PRKCH: variants seen among roughly 807,000 people sequenced by gnomAD.
The protein encoded by PRKCH is protein kinase C eta, also known as protein kinase C eta type.
Under a neutral mutation model 82.5 loss-of-function variants are expected in PRKCH, and 28 were observed. The observed-to-expected ratio is 0.34, with a 90% CI of 0.25 to 0.47. The LOEUF (loss-of-function observed/expected upper bound fraction) is 0.47, where lower values mean the gene tolerates loss of function less well. Among genes scored for constraint, PRKCH ranks in the 20% least tolerant of loss-of-function variants. The pLI is 1.00. For synonymous variants in PRKCH, 322 were observed against 327.4 expected (o/e 0.98, Z 0.18); for missense variants, 705 against 881.8 (o/e 0.80, Z 2.54).
intron 10 of PRKCH, among the ~76,000 whole-genome samples, chr14:61,510,332 A>C (rs1887321077): frequency 6.6e-6 from 1 of 152,290 alleles, no homozygotes; most frequent in South Asian, 2.1e-4. Context: ...TAAGCCTGGA[A>C]GCCAGGAGTT....
intron 1 of PRKCH, among the ~76,000 whole-genome samples, chr14:61,257,815 G>A (rs566750933): frequency 8.4e-4 from 128 of 152,246 alleles, no homozygotes; most frequent in Non-Finnish European, 1.4e-3. Context: ...TAAGTCATGT[G>A]AGGTGATTCA....
chr14:61,354,422 G>T (rs2046122306), intron 1 of PRKCH, among the ~76,000 whole-genome samples: 1 of 151,788 alleles, frequency 6.6e-6, no homozygotes, highest in Non-Finnish European at 1.5e-5. Context: ...GTGTGTGTGT[G>T]TGTGTGTGTG....
chr14:61,396,027 C>G (rs2046775101), intron 2 of PRKCH, among the ~76,000 whole-genome samples: 1 of 148,068 alleles, frequency 6.8e-6, no homozygotes, highest in African/African-American at 2.5e-5. Context: ...TTGCAGTGAG[C>G]TGAGATAGTG....
rs573584149 is a variant in PRKCH, at chr14:61,469,137, A to C, written c.1278+11458A>C. On this transcript the variant is annotated intron_variant, in intron 9 of 13. Transcript: ENST00000332981. ...TTTTTGCAGAGTTGGAGGTCTTGCT[A>C]TGTTGCCCACACTGGTCTTGAACTC... is the stretch of plus-strand genomic sequence containing the variant. Among the ~76,000 whole-genome samples, 16 of 152,326 alleles carry C rather than the reference A, an allele frequency of 1.1e-4. No individual in the cohort carries two copies. In the East Asian group the frequency reaches 2.5e-3, roughly 24 times the overall value.
intron 7 of PRKCH, among the ~76,000 whole-genome samples, chr14:61,454,764 A>G (rs1346433546): frequency 6.6e-6 from 1 of 152,118 alleles, no homozygotes; most frequent in Non-Finnish European, 1.5e-5. Context: ...CATCCAGTTG[A>G]GCCTTGGCTG....
At chr14:61,252,487 T>G (rs1414196901) in intron 1 of PRKCH, among the ~76,000 whole-genome samples, 1 of 152,114 alleles carries the variant, frequency 6.6e-6, no homozygotes, top group Admixed American at 6.6e-5. Flanking sequence ...GCACCAAGGG[T>G]TGGACCACCT....
chr14:61,494,932 A>G (rs1886601455), intron 10 of PRKCH, among the ~76,000 whole-genome samples: 4 of 152,158 alleles, frequency 2.6e-5, no homozygotes, highest in Admixed American at 2.6e-4. Context: ...CTTACCATAA[A>G]CCCTTGAGAT....
rs1398458803 is a variant in PRKCH at position 61,333,183 on chromosome 14, G to A, written c.363+10719G>A. ...TTTAATTATGGTACAGAAGAGTTGA[G>A]AGCAGATTCCATCTAAATCAGTGCT... On this transcript the variant is annotated intron_variant, in intron 1 of 13. Coordinates refer to ENST00000332981, the MANE Select transcript of PRKCH (RefSeq NM_006255.5). Among the ~76,000 whole-genome samples the A allele has an allele frequency of 2.6e-5, 4 of 152,172 alleles. No homozygotes were observed. In the South Asian group the frequency reaches 6.2e-4, roughly 24 times the overall value.
intron 10 of PRKCH, among the ~76,000 whole-genome samples, chr14:61,500,735 G>T (rs939086962): frequency 6.6e-6 from 1 of 152,116 alleles, no homozygotes; most frequent in Non-Finnish European, 1.5e-5. Flanking sequence ...CTCTGCAAAG[G>T]TGGATATTTT....
chr14:61,313,549 C>T (rs1046743841), intron 1 of PRKCH, among the ~76,000 whole-genome samples: 1 of 152,100 alleles, frequency 6.6e-6, no homozygotes, highest in Admixed American at 6.5e-5. Context: ...GCCTCAACCT[C>T]CTAGACTCAA....
chr14:61,318,151 A>G (rs2045579036), upstream of PRKCH, among the ~76,000 whole-genome samples: 1 of 151,670 alleles, frequency 6.6e-6, no homozygotes, highest in Non-Finnish European at 1.5e-5. Flanking sequence ...ATAGGTCACT[A>G]CAGTCTCAAC....
At chr14:61,208,792 A>T (rs904372523) in intron 1 of PRKCH, among the ~76,000 whole-genome samples, 1 of 152,206 alleles carries the variant, frequency 6.6e-6, no homozygotes, top group Admixed American at 6.5e-5. Flanking sequence ...ACAAAGTTCA[A>T]TTACCATTGC....
chr14:61,262,791 G>A (rs545153747), intron 1 of PRKCH, among the ~76,000 whole-genome samples: 1 of 152,164 alleles, frequency 6.6e-6, no homozygotes, highest in African/African-American at 2.4e-5. Flanking sequence ...AGGGAAAATG[G>A]GGGGAAGTGG....
chr14:61,227,487 G>C (rs938401217), intron 1 of PRKCH, among the ~76,000 whole-genome samples: 29 of 152,174 alleles, frequency 1.9e-4, no homozygotes, highest in African/African-American at 7.0e-4. Flanking sequence ...CCAGCGACTC[G>C]GGAGGCTGAG....
intron 10 of PRKCH, among the ~76,000 whole-genome samples, chr14:61,488,786 T>C (rs1275664668): frequency 6.6e-6 from 1 of 152,194 alleles, no homozygotes; most frequent in Admixed American, 6.5e-5. Context: ...ATATGGTGGG[T>C]AGACACTGTA....
intron 10 of PRKCH, among the ~76,000 whole-genome samples, chr14:61,522,039 G>A (rs1395717321): frequency 6.6e-6 from 1 of 152,102 alleles, no homozygotes; most frequent in Non-Finnish European, 1.5e-5. Context: ...TGTGTATTCA[G>A]CTGCTTAAAT....
At chr14:61,236,293 G>A (rs942090363) in intron 1 of PRKCH, among the ~76,000 whole-genome samples, 13 of 152,164 alleles carry the variant, frequency 8.5e-5, no homozygotes, top group African/African-American at 2.4e-4. Context: ...TAGGTAAAAT[G>A]AGGCTGAAAC....
At chr14:61,311,906 AG>A (rs2140110404) in intron 1 of PRKCH, among the ~76,000 whole-genome samples, 1 of 152,302 alleles carries the variant, frequency 6.6e-6, no homozygotes, top group Non-Finnish European at 1.5e-5. Flanking sequence ...GAGTGTGCAA[AG>A]GAGAAAGAGC....
At chr14:61,521,493 T>G (rs1191434626) in intron 10 of PRKCH, among the ~76,000 whole-genome samples, 2 of 152,156 alleles carry the variant, frequency 1.3e-5, no homozygotes, top group Non-Finnish European at 2.9e-5. Context: ...AGATTGAGAA[T>G]TTAACCTGAA....
Sources: allele counts gnomAD v4.1 joint callset (sites outside exome capture counted in the v4.1 genomes callset), GRCh38; gene constraint gnomAD v4.1.1; transcripts MANE v1.5; gene names NCBI Gene and HGNC (gene_info 2026-07-23, HGNC 2026-07-21).